MGAT5: variants seen among roughly 807,000 people sequenced by gnomAD.
MGAT5 encodes the protein alpha-1,6-mannosylglycoprotein 6-beta-N-acetylglucosaminyltransferase A.
Under a neutral mutation model 94.3 loss-of-function variants are expected in MGAT5, and 30 were observed. That is an observed-to-expected ratio of 0.32 (90% CI 0.24 to 0.43). MGAT5 has a LOEUF of 0.43. Ranked by LOEUF, MGAT5 falls within the 20% of genes least tolerant of loss-of-function variation. The probability of loss-of-function intolerance (pLI) is 1.00; values close to 1 mark genes in which losing one functional copy is unlikely to be tolerated. For synonymous variants in MGAT5, 310 were observed against 322.9 expected (o/e 0.96, Z 0.43); for missense variants, 691 against 905.5 (o/e 0.76, Z 3.04).
chr2:134,286,791 T>C (rs1424993866), intron 2 of MGAT5, among the ~76,000 whole-genome samples: 2 of 152,204 alleles, frequency 1.3e-5, no homozygotes, highest in Non-Finnish European at 2.9e-5. Context: ...GCATATAAAA[T>C]TCTAGGTTTG....
intron 14 of MGAT5, among the ~76,000 whole-genome samples, chr2:134,437,920 C>G (rs1049707484): frequency 1.3e-5 from 2 of 150,242 alleles, no homozygotes; most frequent in African/African-American, 2.5e-5. Flanking sequence ...GAGACTGAGG[C>G]AGGAGAATCA....
At position 134,448,728 on chromosome 2, in the gene MGAT5, G is replaced by A; in HGVS notation, c.2107G>A (p.Val703Met). The stretch of plus-strand genomic sequence containing the variant: ...CTTTGACCCTAAGAATAAGCACTGT[G>A]TGTTTCAAGGTGACCTCCTGCTCTT... The part of the protein sequence containing the change: ...PSFDPKNKHC[V>M]FQGDLLLFSC... Residue 703 changes from valine to methionine, a missense_variant, in exon 16 of 16, where the codon GTG becomes ATG. Coordinates refer to ENST00000281923, the MANE Select transcript of MGAT5 (RefSeq NM_002410.5). 1 of 1,614,230 alleles carries A rather than the reference G, an allele frequency of 6.2e-7. No individual in the cohort carries two copies. Among genetic ancestry groups the A allele is most frequent in the South Asian group, 1.1e-5 (1 of 91,086 alleles).
chr2:134,143,778 C>T (rs918255061), intron 1 of MGAT5, among the ~76,000 whole-genome samples: 36 of 152,312 alleles, frequency 2.4e-4, no homozygotes, highest in Admixed American at 2.0e-3. Flanking sequence ...TATGTGGTTA[C>T]TGTGTATTCA....
intron 7 of MGAT5, among the ~76,000 whole-genome samples, chr2:134,343,745 C>G (rs1688761375): frequency 6.6e-6 from 1 of 152,130 alleles, no homozygotes; most frequent in Admixed American, 6.6e-5. Context: ...AACTATGGCT[C>G]AGCAGGCCAA....
At chr2:134,194,142 AAG>A (rs370625196) in intron 1 of MGAT5, among the ~76,000 whole-genome samples, 17 of 152,344 alleles carry the variant, frequency 1.1e-4, no homozygotes, top group African/African-American at 4.1e-4. Flanking sequence ...AGGAAGGAGA[AAG>A]AGGTGACTTT....
At chr2:134,277,646 A>T (rs996640009) in intron 2 of MGAT5, among the ~76,000 whole-genome samples, 2 of 152,224 alleles carry the variant, frequency 1.3e-5, no homozygotes, top group African/African-American at 4.8e-5. Context: ...GGTGAGACCA[A>T]TAACGTTCTT....
At chr2:134,121,734 A>C (rs75251578) in intron 1 of MGAT5, among the ~76,000 whole-genome samples, 1 of 152,226 alleles carries the variant, frequency 6.6e-6, no homozygotes, top group South Asian at 2.1e-4. Flanking sequence ...TACCCAGACC[A>C]AAGTGTTAGA....
intron 1 of MGAT5, among the ~76,000 whole-genome samples, chr2:134,183,889 C>T (rs1688871793): frequency 6.6e-6 from 1 of 152,180 alleles, no homozygotes; most frequent in Non-Finnish European, 1.5e-5. Flanking sequence ...AAACGTTTGC[C>T]ATGCAGTTTC....
chr2:134,189,602 G>GTTTTGTTTTTTTTTTTTTT (rs1553490380), intron 1 of MGAT5, among the ~76,000 whole-genome samples: 6 of 84,652 alleles, frequency 7.1e-5, no homozygotes, highest in African/African-American at 1.4e-4. Context: ...GTTTTTTTTT[G>GTTTTGTTTTTTTTTTTTTT]TTTTTTTTTT....
chr2:134,153,119 C>T (rs1687305854), intron 1 of MGAT5, among the ~76,000 whole-genome samples: 1 of 151,962 alleles, frequency 6.6e-6, no homozygotes, highest in Non-Finnish European at 1.5e-5. Flanking sequence ...GGGCTTTCAC[C>T]ATATTGGTCA....
At chr2:134,378,922 A>C (rs1681367972) in intron 10 of MGAT5, among the ~76,000 whole-genome samples, 1 of 152,156 alleles carries the variant, frequency 6.6e-6, no homozygotes. Flanking sequence ...GGCCTGGATT[A>C]CCTGAAGTGA....
intron 11 of MGAT5, among the ~76,000 whole-genome samples, chr2:134,411,761 G>A (rs982929599): frequency 4.6e-5 from 7 of 152,206 alleles, no homozygotes; most frequent in Admixed American, 6.5e-5. Flanking sequence ...TGAAAAGACC[G>A]AGGGAAAAAC....
intron 1 of MGAT5, among the ~76,000 whole-genome samples, chr2:134,202,226 A>G (rs1161616998): frequency 2.0e-5 from 3 of 152,194 alleles, no homozygotes; most frequent in African/African-American, 7.2e-5. Flanking sequence ...CAAAATTCAT[A>G]TGTTGAAATC....
chr2:134,214,624 A>G (rs914309910), intron 1 of MGAT5, among the ~76,000 whole-genome samples: 1 of 152,054 alleles, frequency 6.6e-6, no homozygotes, highest in Non-Finnish European at 1.5e-5. Context: ...CTAGGGAGTA[A>G]GACCAAATAT....
intron 3 of MGAT5, among the ~76,000 whole-genome samples, chr2:134,318,227 C>A (rs917617894): frequency 6.6e-6 from 1 of 152,152 alleles, no homozygotes; most frequent in Admixed American, 6.5e-5. Context: ...GTGGGCCGTC[C>A]GTCAACGCTC....
intron 4 of MGAT5, among the ~76,000 whole-genome samples, chr2:134,326,813 G>T (rs533475413): frequency 6.6e-6 from 1 of 152,224 alleles, no homozygotes; most frequent in East Asian, 1.9e-4. Flanking sequence ...GAGTGGTCAG[G>T]ATAGGCCCTA....
At chr2:134,358,508 A>G (rs1048175463) in intron 9 of MGAT5, among the ~76,000 whole-genome samples, 2 of 152,228 alleles carry the variant, frequency 1.3e-5, no homozygotes, top group Non-Finnish European at 2.9e-5. Context: ...AAATACAAAA[A>G]GGAAAGGATG....
rs145359732 is a variant in MGAT5 at position 134,344,956 on chromosome 2, G to C, written c.1004G>C (p.Arg335Pro). Reference sequence around the variant, plus strand: ...ATCATGAAGAAGGTTGTAGGAAACCGATCTGGCTGCCCAACTGTAGGAGAC... The same window carrying C: ...ATCATGAAGAAGGTTGTAGGAAACCCATCTGGCTGCCCAACTGTAGGAGAC... Reference protein sequence around the residue: ...KEIMKKVVGNRSGCPTVGDRI... With the variant: ...KEIMKKVVGNPSGCPTVGDRI... Residue 335 changes from arginine to proline, a missense_variant, in exon 8 of 16, where the codon CGA becomes CCA. Physicochemically the swap from Arg to Pro is moderately radical, Grantham distance 103. This residue lies in a region of MGAT5 where 121 missense variants were observed against 206.1 expected (regional missense o/e 0.59). Transcript: ENST00000281923. 1.9e-6 allele frequency: 3 copies of C among 1,613,420 alleles called. No homozygotes were observed. The South Asian group carries it at 3.3e-5, about 18-fold the overall frequency.
At chr2:134,190,504 C>G (rs1689312441) in intron 1 of MGAT5, among the ~76,000 whole-genome samples, 1 of 152,186 alleles carries the variant, frequency 6.6e-6, no homozygotes, top group South Asian at 2.1e-4. Context: ...CCCTTCCCCA[C>G]CACCCAACCC....
Sources: gnomAD v4.1 joint callset for allele counts (sites outside exome capture counted in the v4.1 genomes callset) on GRCh38, gnomAD v4.1.1 for gene constraint, gnomAD v4.1.1 regional missense constraint, MANE v1.5 for transcripts, NCBI Gene and HGNC (gene_info 2026-07-23, HGNC 2026-07-21) for gene names.